The following PACS1 variants were observed in gnomAD, a reference collection of about 807,000 sequenced individuals.
PACS1 encodes the protein phosphofurin acidic cluster sorting protein 1, also known as PACS-1.
A neutral mutation model predicts 115.0 loss-of-function variants in PACS1; 24 were observed. The ratio of observed to expected loss-of-function variants is 0.21; its 90% CI spans 0.15 to 0.29. The LOEUF is 0.29. Among genes scored for constraint, PACS1 ranks in the 10% least tolerant of loss-of-function variants. The pLI is 1.00. For synonymous variants in PACS1, 453 were observed against 504.5 expected (o/e 0.90, Z 1.37); for missense variants, 838 against 1,251.2 (o/e 0.67, Z 4.98).
At chr11:66,113,340 C>T (rs1858229213) in intron 1 of PACS1, among the ~76,000 whole-genome samples, 1 of 152,168 alleles carries the variant, frequency 6.6e-6, no homozygotes, top group African/African-American at 2.4e-5. Flanking sequence ...ACTTACATTC[C>T]TGTTTCTGAA....
chr11:66,074,502 G>A (rs1466775699), intron 1 of PACS1, among the ~76,000 whole-genome samples: 1 of 152,078 alleles, frequency 6.6e-6, no homozygotes, highest in Non-Finnish European at 1.5e-5. Flanking sequence ...AGTAGGAGAG[G>A]CAGAAAAATT....
rs149353921 is a variant in PACS1, at chr11:66,073,016, G to A, written c.356+2174G>A. ...AAATGTATAATTATTATGCTAACTT[G>A]CTGTGAGAGGCTTAGGCGGACTTAT... On this transcript the variant is annotated intron_variant, in intron 1 of 23. Coordinates refer to ENST00000320580, the MANE Select transcript of PACS1 (RefSeq NM_018026.4). 4.9e-4 allele frequency among the ~76,000 whole-genome samples: 75 copies of A among 152,348 alleles called. No individual in the cohort carries two copies. The East Asian group carries it at 0.012, about 25-fold the overall frequency.
rs542373753 is a variant in PACS1 at position 66,120,918 on chromosome 11, G to C, written c.356+50076G>C. 4 of 435,278 alleles carry C rather than the reference G, an allele frequency of 9.2e-6. No individual in the cohort carries two copies. The Admixed American group carries it at 9.7e-5, about 11-fold the overall frequency. The allele number at this position is 435,278 out of a possible 1,614,324, so 27.0% of individuals were successfully genotyped here. ...TCTTCATGAAGTCCCCCTTGCCCCA[G>C]CCCTGTGCTTCCACAGGGCCTGTGC... On this transcript the variant is annotated intron_variant, in intron 1 of 23. Coordinates refer to ENST00000320580, the MANE Select transcript of PACS1 (RefSeq NM_018026.4).
intron 1 of PACS1, among the ~76,000 whole-genome samples, chr11:66,177,785 A>AT (rs1052726495): frequency 5.3e-5 from 8 of 151,370 alleles, no homozygotes; most frequent in Admixed American, 1.3e-4. Flanking sequence ...CTAATTTTTA[A>AT]TTTTTTTTTG....
At chr11:66,098,960 C>T (rs1342806349) in intron 1 of PACS1, among the ~76,000 whole-genome samples, 2 of 152,184 alleles carry the variant, frequency 1.3e-5, no homozygotes, top group Admixed American at 1.3e-4. Context: ...GCCCTCATCA[C>T]CTGCTCATGT....
At chr11:66,124,996 G>T (rs1436380760) in intron 1 of PACS1, among the ~76,000 whole-genome samples, 3 of 152,188 alleles carry the variant, frequency 2.0e-5, no homozygotes, top group Non-Finnish European at 4.4e-5. Flanking sequence ...ATCCCATTGA[G>T]GAGGAGGAAC....
In PACS1 at chr11:66,198,592, G is replaced by A. The variant is rs1355270741; in HGVS notation, c.444+5019G>A. 2.6e-5 allele frequency among the ~76,000 whole-genome samples: 4 copies of A among 152,132 alleles called. No homozygotes were observed. In the East Asian group the frequency reaches 7.7e-4, roughly 29 times the overall value. On this transcript the variant is annotated intron_variant, in intron 2 of 23. Coordinates refer to ENST00000320580, the MANE Select transcript of PACS1 (RefSeq NM_018026.4). Reference sequence around the variant, plus strand: ...TAGATTGTAGTTGCCAGGGGTTAGGGGTGGGGGTGGGCAGACTGCAGAGGG... The same window carrying A: ...TAGATTGTAGTTGCCAGGGGTTAGGAGTGGGGGTGGGCAGACTGCAGAGGG...
chr11:66,230,154 GAAAA>G, intron 11 of PACS1, among the ~76,000 whole-genome samples: 1 of 111,952 alleles, frequency 8.9e-6, no homozygotes, highest in East Asian at 2.6e-4. Context: ...AAAAAAAAAA[GAAAA>G]AAAAAAAAGG....
chr11:66,100,636 G>C, intron 1 of PACS1: 1 of 349,736 alleles, frequency 2.9e-6, no homozygotes, highest in South Asian at 2.1e-5. Context: ...GAACTATTTT[G>C]CATACAAACT....
At chr11:66,142,846 C>G (rs1025451894) in intron 1 of PACS1, among the ~76,000 whole-genome samples, 2 of 151,662 alleles carry the variant, frequency 1.3e-5, no homozygotes, top group Non-Finnish European at 2.9e-5. Context: ...TTGGGTTTCT[C>G]TGAATGATGT....
At position 66,232,983 on chromosome 11, in the gene PACS1, C is replaced by A. The variant is rs775810958; in HGVS notation, c.1755C>A (p.Asp585Glu). 1.2e-6 allele frequency: 2 copies of A among 1,612,868 alleles called. No individual in the cohort carries two copies. The highest frequency in any genetic ancestry group is 8.5e-7 in the Non-Finnish European group (1 of 1,179,798). Residue 585 changes from aspartate (D) to glutamate (E), a missense_variant, in exon 15 of 24, where the codon GAC becomes GAA. Transcript: ENST00000320580. ...AGTATGTGGCTGAGCTGCTCCAGGA[C>A]CAGCGGAAGCCTGTGGTGTGCACCT... is the stretch of plus-strand genomic sequence containing the variant. ...QGQYVAELLQDQRKPVVCTCS... is the reference protein window; with the variant it reads ...QGQYVAELLQEQRKPVVCTCS...
chr11:66,086,527 A>C (rs1375984862), intron 1 of PACS1, among the ~76,000 whole-genome samples: 1 of 152,248 alleles, frequency 6.6e-6, no homozygotes, highest in Non-Finnish European at 1.5e-5. Flanking sequence ...CCGATTTGTT[A>C]TGAACCTGAT....
chr11:66,216,748 A>G lies in PACS1; in HGVS notation c.951A>G (p.Lys317=), dbSNP rs1177966109. The change falls in exon 7 of 24, where the codon AAA becomes AAG. Residue 317 remains lysine, a synonymous_variant. Coordinates refer to ENST00000320580, the MANE Select transcript of PACS1 (RefSeq NM_018026.4). ...GGAAAGTGAAGAAGACCCGGAGGAA[A>G]CTAACCTCAACCTCTGCCATCACAA... is the stretch of plus-strand genomic sequence containing the variant. ...DLRKVKKTRR[K]LTSTSAITRQ... is the part of the protein sequence containing the mutation. 3.1e-6 allele frequency: 5 copies of G among 1,613,968 alleles called. No homozygotes were observed. In the South Asian group the frequency reaches 3.3e-5, roughly 11 times the overall value.
chr11:66,082,487 A>G (rs1464917632), intron 1 of PACS1, among the ~76,000 whole-genome samples: 1 of 152,106 alleles, frequency 6.6e-6, no homozygotes, highest in Non-Finnish European at 1.5e-5. Context: ...GTGAGCCACT[A>G]TGTCTGGCCA....
At chr11:66,165,949 C>T (rs1167283870) in intron 1 of PACS1, among the ~76,000 whole-genome samples, 1 of 152,126 alleles carries the variant, frequency 6.6e-6, no homozygotes, top group Non-Finnish European at 1.5e-5. Flanking sequence ...CACGCCACAG[C>T]CTCCTAACTG....
chr11:66,194,858 C>G (rs1565142047), intron 2 of PACS1, among the ~76,000 whole-genome samples: 1 of 152,216 alleles, frequency 6.6e-6, no homozygotes, highest in Non-Finnish European at 1.5e-5. Flanking sequence ...GTGTGTGAAT[C>G]ATATATTGAG....
In PACS1 at chr11:66,070,799, G is replaced by A; in HGVS notation, c.313G>A (p.Ala105Thr). Residue 105 changes from alanine to threonine, a missense_variant, in exon 1 of 24, where the codon GCC becomes ACC. Coordinates refer to ENST00000320580, the MANE Select transcript of PACS1 (RefSeq NM_018026.4). This position sits in a 1 kb window ranked among gnomAD's most constrained non-coding sequence, Gnocchi z 5.9. ...CGCCCCGGTGCAGATGAACCTGTAC[G>A]CCACCTGGGAGGTGGACCGGAGCTC... ...TPAPVQMNLY[A>T]TWEVDRSSSS... 6.6e-7 allele frequency: 1 copy of A among 1,508,372 alleles called. No homozygotes were observed. 93.4% of individuals were successfully genotyped at this position (1,508,372 alleles called of 1,614,324 possible). A position where few individuals can be genotyped will look rare whatever the true frequency, so the allele number is the denominator to read the frequency against.
At chr11:66,091,053 C>T (rs983876275) in intron 1 of PACS1, among the ~76,000 whole-genome samples, 15 of 152,288 alleles carry the variant, frequency 9.8e-5, no homozygotes, top group Admixed American at 2.6e-4. Flanking sequence ...ATTTAGCATA[C>T]AGATTCTTAG....
rs1857673984 is a variant in PACS1 at position 66,091,917 on chromosome 11, A to G, written c.356+21075A>G. Among the ~76,000 whole-genome samples the G allele has an allele frequency of 7.2e-5, 11 of 152,128 alleles. No homozygotes were observed. The South Asian group carries it at 2.3e-3, about 32-fold the overall frequency. ...GTGCCACATTTTCTTAATCCAGTCT[A>G]TCATTGTTGGACATTTGGGTTGGTT... On this transcript the variant is annotated intron_variant, in intron 1 of 23. Transcript: ENST00000320580.
Sources: gnomAD v4.1 joint callset for allele counts (sites outside exome capture counted in the v4.1 genomes callset) on GRCh38, gnomAD v4.1.1 for gene constraint, Gnocchi (gnomAD v3.1) non-coding constraint, MANE v1.5 for transcripts, NCBI Gene and HGNC (gene_info 2026-07-23, HGNC 2026-07-21) for gene names.